FOXK1: variants seen among roughly 807,000 people sequenced by gnomAD.
FOXK1 encodes forkhead box K1, also known as forkhead box protein K1.
A neutral mutation model predicts 51.9 loss-of-function variants in FOXK1; 19 were observed. The observed-to-expected ratio is 0.37, with a 90% CI of 0.26 to 0.54. The LOEUF (loss-of-function observed/expected upper bound fraction) is 0.54, where lower values mean the gene tolerates loss of function less well. FOXK1 is among the 20% of genes least tolerant of loss of function. The probability of loss-of-function intolerance (pLI) is 0.87; values close to 1 mark genes in which losing one functional copy is unlikely to be tolerated. For missense variants in FOXK1, 870 were observed against 1,032.7 expected, an observed-to-expected ratio of 0.84 and a Z score of 2.16; for synonymous variants, 537 against 482.6, an observed-to-expected ratio of 1.11 and a Z score of -1.48.
intron 1 of FOXK1, among the ~76,000 whole-genome samples, chr7:4,728,159 C>T (rs574561127): frequency 1.3e-5 from 2 of 152,318 alleles, no homozygotes; most frequent in South Asian, 2.1e-4. Flanking sequence ...GGCAGCCCCC[C>T]GCCTCCAGTG....
At chr7:4,708,527 G>A (rs980392963) in intron 1 of FOXK1, among the ~76,000 whole-genome samples, 11 of 152,188 alleles carry the variant, frequency 7.2e-5, no homozygotes, top group African/African-American at 2.2e-4. Flanking sequence ...ATTTTACATG[G>A]CAGAACAAGA....
intron 1 of FOXK1, among the ~76,000 whole-genome samples, chr7:4,724,347 C>T (rs1486539837): frequency 2.0e-5 from 3 of 152,210 alleles, no homozygotes; most frequent in African/African-American, 7.2e-5. Flanking sequence ...AGGCACCCAC[C>T]ACCACGCCCG....
intron 1 of FOXK1, among the ~76,000 whole-genome samples, chr7:4,718,052 G>A (rs1038749686): frequency 6.6e-6 from 1 of 152,160 alleles, no homozygotes; most frequent in African/African-American, 2.4e-5. Flanking sequence ...GCCTCTGGGG[G>A]CCCTGTTGCC....
chr7:4,761,222 G>C lies in FOXK1; in HGVS notation c.1855G>C (p.Val619Leu), dbSNP rs1780928232. ...PVTLGQHHLP[V>L]RAVTQNGKHA... ...GACCCTCGGGCAGCACCACCTTCCA[G>C]TCCGGGCCGTGACCCAGAACGGAAA... The change falls in exon 8 of 9, where the codon GTC (valine) becomes CTC (leucine). Residue 619 changes from valine to leucine, a missense_variant. By Grantham distance (32) the Val-to-Leu change is conservative. Transcript: ENST00000328914. The surrounding 1 kb of genome is among the most constrained non-coding windows in gnomAD (Gnocchi z 6.2). 6.2e-7 allele frequency: 1 copy of C among 1,613,042 alleles called. No individual in the cohort carries two copies. The highest frequency in any genetic ancestry group is 1.3e-5 in the African/African-American group (1 of 74,938).
chr7:4,699,615 A>C (rs1213438446), intron 1 of FOXK1, among the ~76,000 whole-genome samples: 1 of 151,966 alleles, frequency 6.6e-6, no homozygotes, highest in Admixed American at 6.6e-5. Context: ...TGATCCACCC[A>C]CCTCAGGCTT....
At chr7:4,732,305 A>G (rs1780488332) in intron 1 of FOXK1, among the ~76,000 whole-genome samples, 1 of 152,140 alleles carries the variant, frequency 6.6e-6, no homozygotes, top group African/African-American at 2.4e-5. Flanking sequence ...AGACTGACCA[A>G]AGATCCCAGT....
chr7:4,742,836 C>CTACA (rs1780652258), intron 2 of FOXK1, among the ~76,000 whole-genome samples: 1 of 152,238 alleles, frequency 6.6e-6, no homozygotes, highest in South Asian at 2.1e-4. Flanking sequence ...TACCAGTGAC[C>CTACA]TACAAGTTAC....
chr7:4,697,475 T>A (rs1779967857), intron 1 of FOXK1, among the ~76,000 whole-genome samples: 1 of 152,208 alleles, frequency 6.6e-6, no homozygotes, highest in Admixed American at 6.5e-5. Flanking sequence ...CTGTGGCTGC[T>A]GAGCTGAGCC....
intron 1 of FOXK1, among the ~76,000 whole-genome samples, chr7:4,718,405 C>T (rs1416761480): frequency 1.3e-5 from 2 of 152,244 alleles, no homozygotes; most frequent in African/African-American, 2.4e-5. Context: ...AGCTCAGGGC[C>T]GTCTTTCTGA....
Position 4,687,585 on chromosome 7 carries a change from C to T in FOXK1, c.560+4717C>T, listed in dbSNP as rs146957366. On this transcript the variant is annotated intron_variant, in intron 1 of 8. Transcript: ENST00000328914. ...CTAGGATGACAGGCGTGAGCTACTA[C>T]GCCCGGCCCCAACTGAATTCTTGAT... 1.7e-3 allele frequency among the ~76,000 whole-genome samples: 263 copies of T among 152,264 alleles called. 1 individual carries two copies. Among genetic ancestry groups the T allele is most frequent in the African/African-American group, 5.9e-3 (245 of 41,552 alleles).
intron 1 of FOXK1, among the ~76,000 whole-genome samples, chr7:4,695,936 CAAA>C (rs72005510): frequency 4.3e-5 from 5 of 116,808 alleles, no homozygotes; most frequent in Admixed American, 1.8e-4. Flanking sequence ...AACTCCGTCT[CAAA>C]AAAAAAAAAA....
intron 1 of FOXK1, among the ~76,000 whole-genome samples, chr7:4,694,834 G>T (rs1583181958): frequency 6.6e-6 from 1 of 152,238 alleles, no homozygotes; most frequent in Non-Finnish European, 1.5e-5. Context: ...CTGACGCCCG[G>T]ATAAATGCCC....
In FOXK1 at chr7:4,753,685, C is replaced by T. The variant is rs138350862; in HGVS notation, c.747-774C>T. Among the ~76,000 whole-genome samples, 197 of 152,296 alleles carry T rather than the reference C, an allele frequency of 1.3e-3. No homozygotes were observed. Among genetic ancestry groups the T allele is most frequent in the African/African-American group, 4.4e-3 (183 of 41,556 alleles). On this transcript the variant is annotated intron_variant, in intron 2 of 8. Coordinates refer to ENST00000328914, the MANE Select transcript of FOXK1 (RefSeq NM_001037165.2). The surrounding 1 kb of genome is among the most constrained non-coding windows in gnomAD (Gnocchi z 4.9). ...GAAATCATTTTCAGAAGCAAAACAT[C>T]GCCGTGGTTTGCTGACGGAAGCCTG...
chr7:4,695,662 C>A (rs1379653586), intron 1 of FOXK1, among the ~76,000 whole-genome samples: 1 of 152,148 alleles, frequency 6.6e-6, no homozygotes, highest in African/African-American at 2.4e-5. Flanking sequence ...ATTAGCCAGG[C>A]GTGGTGGCTC....
chr7:4,717,749 A>AC (rs1780255000), intron 1 of FOXK1, among the ~76,000 whole-genome samples: 1 of 151,816 alleles, frequency 6.6e-6, no homozygotes, highest in South Asian at 2.1e-4. Context: ...AGGCGCTTGA[A>AC]CCCTGCCTCT....
At chr7:4,704,800 C>T (rs925047539) in intron 1 of FOXK1, among the ~76,000 whole-genome samples, 1 of 150,362 alleles carries the variant, frequency 6.7e-6, no homozygotes, top group East Asian at 1.9e-4. Flanking sequence ...CTCCTGGCCT[C>T]GAGCCAGCCT....
intron 1 of FOXK1, among the ~76,000 whole-genome samples, chr7:4,721,816 C>G (rs1378979400): frequency 6.6e-6 from 1 of 152,106 alleles, no homozygotes. Flanking sequence ...GTCTTGAACT[C>G]CTGACCTCAT....
chr7:4,748,479 C>T lies in FOXK1; in HGVS notation c.747-5980C>T, dbSNP rs181704173. On this transcript the variant is annotated intron_variant, in intron 2 of 8. Coordinates refer to ENST00000328914, the MANE Select transcript of FOXK1 (RefSeq NM_001037165.2). The surrounding 1 kb of genome is among the most constrained non-coding windows in gnomAD (Gnocchi z 4.9). The stretch of plus-strand genomic sequence containing the variant: ...TGGCTTATTTCCGCCACACTCCCCC[C>T]GCTCTTGGGGTTAATAATGGCCTCT... Among the ~76,000 whole-genome samples, 2 of 152,196 alleles carry T rather than the reference C, an allele frequency of 1.3e-5. No homozygotes were observed. The highest frequency in any genetic ancestry group is 2.1e-4 in the South Asian group (1 of 4,826).
Position 4,735,915 on chromosome 7 carries a change from AGGCTGATGCGGGT to A in FOXK1, c.561-4920_561-4908del, listed in dbSNP as rs1302137171. Among the ~76,000 whole-genome samples the A allele has an allele frequency of 1.4e-4, 21 of 152,168 alleles. No individual in the cohort carries two copies. Among genetic ancestry groups the A allele is most frequent in the Non-Finnish European group, 2.9e-5 (2 of 68,036 alleles). ...ACACCTGTAATCCCAGCACTTTGAG[AGGCTGATGCGGGT>A]GGATCACTTGAGGTCAGGAGTTCAA... is the stretch of plus-strand genomic sequence containing the variant. On this transcript the variant is annotated intron_variant, in intron 1 of 8. Transcript: ENST00000328914. This position sits in a 1 kb window ranked among gnomAD's most constrained non-coding sequence, Gnocchi z 4.7.
Sources: allele counts gnomAD v4.1 joint callset (sites outside exome capture counted in the v4.1 genomes callset), GRCh38; gene constraint gnomAD v4.1.1; non-coding constraint Gnocchi (gnomAD v3.1); transcripts MANE v1.5; gene names NCBI Gene and HGNC (gene_info 2026-07-23, HGNC 2026-07-21).